Variants in CHM observed in about 807,000 individuals in gnomAD.
CHM encodes the protein rab proteins geranylgeranyltransferase component A 1.
In CHM, 10 loss-of-function variants were observed where a neutral mutation model predicts 49.0. The observed-to-expected ratio is 0.20, with a 90% CI of 0.13 to 0.35. The LOEUF is 0.35. Among genes scored for constraint, CHM ranks in the 10% least tolerant of loss-of-function variants. CHM has a pLI of 1.00. For missense variants in CHM, 455 were observed against 478.4 expected, an observed-to-expected ratio of 0.95 and a Z score of 0.46; for synonymous variants, 184 against 167.5, an observed-to-expected ratio of 1.10 and a Z score of -0.76.
intron 1 of CHM, among the ~76,000 whole-genome samples, chrX:86,045,302 C>T (rs1047604678): frequency 1.8e-5 from 2 of 111,792 alleles, no homozygotes; most frequent in Admixed American, 9.5e-5. Context: ...AGAGAAATAT[C>T]CCAAGCACAC....
chrX:85,866,968 A>G (rs1379191644), intron 14 of CHM, among the ~76,000 whole-genome samples: 1 of 112,570 alleles, frequency 8.9e-6, no homozygotes, highest in Non-Finnish European at 1.9e-5. Context: ...CTTGTCTCAG[A>G]TGAGACTTTG....
rs1242055664 is a variant in CHM at position 86,015,307 on chromosome X, G to C, written c.116+12184C>G. The stretch of plus-strand genomic sequence containing the variant: ...ATCTTCCTCATTTTCTCTTGCTGCT[G>C]CCATGTAAGAAGTGCCTTTCACCTC... On this transcript the variant is annotated intron_variant, in intron 2 of 14. Coordinates refer to ENST00000357749, the MANE Select transcript of CHM (RefSeq NM_000390.4). Among the ~76,000 whole-genome samples, 5 of 111,599 alleles carry C rather than the reference G, an allele frequency of 4.5e-5. No homozygotes were observed. The Admixed American group carries it at 4.8e-4, about 11-fold the overall frequency.
intron 12 of CHM, among the ~76,000 whole-genome samples, chrX:85,888,047 C>T (rs1360308398): frequency 8.9e-6 from 1 of 112,014 alleles, no homozygotes; most frequent in African/African-American, 3.2e-5. Flanking sequence ...GAAATTTGTA[C>T]ATGTAATGAG....
At chrX:85,975,313 C>T (rs187625107) in intron 4 of CHM, among the ~76,000 whole-genome samples, 16 of 112,001 alleles carry the variant, frequency 1.4e-4, no homozygotes, top group African/African-American at 4.2e-4. Context: ...GAAATGAAAA[C>T]TTTTATCCCA....
intron 2 of CHM, among the ~76,000 whole-genome samples, chrX:85,996,376 C>A (rs1330143446): frequency 8.9e-6 from 1 of 111,747 alleles, no homozygotes; most frequent in Non-Finnish European, 1.9e-5. Flanking sequence ...ATTGACTTGA[C>A]GAATATAGAT....
chrX:85,981,835 A>T (rs774605986), intron 2 of CHM, 26 bp from the exon 3 acceptor site: 11 of 1,047,245 alleles, frequency 1.1e-5, no homozygotes, highest in Non-Finnish European at 1.4e-5. Flanking sequence ...AAAAAAAAAA[A>T]AGTAAAGAAA....
rs751226941 is a variant in CHM at position 85,955,328 on chromosome X, C to T, written c.1166+825G>A. Among the ~76,000 whole-genome samples, 4 of 111,425 alleles carry T rather than the reference C, an allele frequency of 3.6e-5. No homozygotes were observed. The East Asian group carries it at 1.1e-3, about 31-fold the overall frequency. On this transcript the variant is annotated intron_variant, in intron 8 of 14. Transcript: ENST00000357749. Reference sequence around the variant, plus strand: ...ACCATGATGGATTACACTTTGCATGCCTGTATTAAACTATCTCATGTACCC... The same window carrying T: ...ACCATGATGGATTACACTTTGCATGTCTGTATTAAACTATCTCATGTACCC...
intron 2 of CHM, among the ~76,000 whole-genome samples, chrX:86,006,876 C>T (rs1932868408): frequency 8.9e-6 from 1 of 111,825 alleles, no homozygotes; most frequent in Admixed American, 9.5e-5. Context: ...ATCAAGCTAC[C>T]AATGACTTTC....
chrX:85,946,954 T>C (rs1929452662), intron 8 of CHM, among the ~76,000 whole-genome samples: 1 of 112,614 alleles, frequency 8.9e-6, no homozygotes, highest in African/African-American at 3.2e-5. Flanking sequence ...ATGGGGCCTG[T>C]AGCCCCCCTT....
chrX:85,978,129 A>G (rs1208756906), intron 4 of CHM, among the ~76,000 whole-genome samples: 2 of 111,951 alleles, frequency 1.8e-5, no homozygotes, highest in African/African-American at 6.5e-5. Flanking sequence ...ATCATTTGAA[A>G]AAGTATACTA....
intron 5 of CHM, among the ~76,000 whole-genome samples, chrX:85,961,888 G>A (rs1240382080): frequency 1.8e-5 from 2 of 111,092 alleles, no homozygotes; most frequent in African/African-American, 6.6e-5. Context: ...CTTCAAATGT[G>A]TCAACTTCTA....
chrX:85,897,306 C>CGTGTGTGTGTGTGTGTGT, intron 11 of CHM, among the ~76,000 whole-genome samples: 1 of 76,525 alleles, frequency 1.3e-5, no homozygotes, highest in Admixed American at 1.5e-4. Flanking sequence ...CTTGTGTGTG[C>CGTGTGTGTGTGTGTGTGT]GTGTGTGTGT....
At position 85,963,731 on chromosome X, in the gene CHM, T is replaced by C. The variant is rs770599995; in HGVS notation, c.636A>G (p.Lys212=). The C allele has an allele frequency of 8.3e-7, 1 of 1,207,080 alleles. No individual in the cohort carries two copies. Among genetic ancestry groups the C allele is most frequent in the Non-Finnish European group, 1.1e-6 (1 of 891,365 alleles). The change falls in exon 5 of 15, where the codon AAA becomes AAG. Residue 212 remains lysine (K), a synonymous_variant. Transcript: ENST00000357749. The part of the protein sequence containing the change: ...IAEDTTEQPK[K]NRITYSQIIK... ...TAATTTGTGAGTAAGTAATTCTGTT[T>C]TTCTTTGGTTGCTCTGTGGTATCTT...
chrX:85,937,742 G>A (rs999609411), intron 8 of CHM, among the ~76,000 whole-genome samples: 1 of 108,286 alleles, frequency 9.2e-6, no homozygotes, highest in Non-Finnish European at 1.9e-5. Context: ...TACTCAGGAA[G>A]CTGAGGCAGG....
chrX:86,031,509 C>T (rs1164934596), intron 1 of CHM, among the ~76,000 whole-genome samples: 1 of 112,147 alleles, frequency 8.9e-6, no homozygotes, highest in Non-Finnish European at 1.9e-5. Flanking sequence ...GGAGGATAAA[C>T]TTGTATAAAA....
At chrX:85,915,510 T>C (rs1026406241) in intron 8 of CHM, among the ~76,000 whole-genome samples, 10 of 112,191 alleles carry the variant, frequency 8.9e-5, no homozygotes, top group African/African-American at 2.9e-4. Context: ...GAAGTCAAAC[T>C]ATCTTGTCTG....
At chrX:85,912,878 C>T (rs1399663745) in intron 8 of CHM, among the ~76,000 whole-genome samples, 2 of 107,936 alleles carry the variant, frequency 1.9e-5, no homozygotes, top group Non-Finnish European at 3.8e-5. Flanking sequence ...CCAGGTACGG[C>T]GGTGCATGCC....
intron 8 of CHM, among the ~76,000 whole-genome samples, chrX:85,940,343 T>A (rs1929035038): frequency 8.9e-6 from 1 of 112,056 alleles, no homozygotes; most frequent in Admixed American, 9.5e-5. Context: ...AACATTGAAC[T>A]AGTTTGAGGT....
intron 13 of CHM, among the ~76,000 whole-genome samples, chrX:85,875,654 T>C (rs1342854752): frequency 9.0e-6 from 1 of 111,578 alleles, no homozygotes; most frequent in East Asian, 2.8e-4. Context: ...AATTAAGACA[T>C]TTGCTTTCAC....
Sources: allele counts gnomAD v4.1 joint callset (sites outside exome capture counted in the v4.1 genomes callset), GRCh38; gene constraint gnomAD v4.1.1; transcripts MANE v1.5; gene names NCBI Gene and HGNC (gene_info 2026-07-23, HGNC 2026-07-21).